The following PSTPIP2 variants were observed in gnomAD, a reference collection of about 807,000 sequenced individuals.
PSTPIP2 encodes proline-serine-threonine phosphatase-interacting protein 2.
PSTPIP2 carries 33 observed loss-of-function variants against 63.3 expected under a neutral mutation model. The ratio of observed to expected loss-of-function variants is 0.52; its 90% CI spans 0.40 to 0.70. The LOEUF (loss-of-function observed/expected upper bound fraction) is 0.70. PSTPIP2 is among the 30% of genes least tolerant of loss of function. The pLI is 0.00. For synonymous variants in PSTPIP2, 125 were observed against 132.7 expected, an observed-to-expected ratio of 0.94 and a Z score of 0.40; for missense variants, 312 against 400.7, an observed-to-expected ratio of 0.78 and a Z score of 1.89.
At chr18:46,015,784 T>C in intron 4 of PSTPIP2, 119 bp downstream of exon 4, 1 of 1,103,694 alleles carries the variant, frequency 9.1e-7, no homozygotes, top group Non-Finnish European at 1.3e-6. Flanking sequence ...CCTTAGGAGT[T>C]GCTCTAATTT....
rs73953951 is a variant in PSTPIP2 at position 45,993,623 on chromosome 18, T to C, written c.723A>G (p.Gln241=). The change falls in exon 10 of 15, where the codon CAA becomes CAG. Residue 241 remains glutamine (Q), a synonymous_variant. Coordinates refer to ENST00000409746, the MANE Select transcript of PSTPIP2 (RefSeq NM_024430.4). The part of the protein sequence containing the change: ...LWLHVNQLSQ[Q]CVTSDEMYEQ... Reference sequence around the variant, plus strand: ...GACTTACTTCATCACTGGTGACACATTGTTGTGACAGCTGATTCACATGTA... The same window carrying C: ...GACTTACTTCATCACTGGTGACACACTGTTGTGACAGCTGATTCACATGTA... 17,660 of 1,613,904 alleles carry C rather than the reference T, an allele frequency of 0.011. 1,431 individuals are homozygous for C. In the African/African-American group the frequency reaches 0.19, roughly 17 times the overall value.
intron 1 of PSTPIP2, among the ~76,000 whole-genome samples, chr18:46,053,873 A>C (rs2144124576): frequency 6.6e-6 from 1 of 152,360 alleles, no homozygotes; most frequent in Middle Eastern, 3.4e-3. Context: ...TGAAAAGGCT[A>C]CACACTGTAT....
intron 1 of PSTPIP2, among the ~76,000 whole-genome samples, chr18:46,065,846 C>G (rs1909171222): frequency 6.6e-6 from 1 of 152,004 alleles, no homozygotes; most frequent in Non-Finnish European, 1.5e-5. Context: ...AAGTGATCCA[C>G]CCGCCTTGGC....
chr18:46,041,405 C>T (rs1253551454), intron 1 of PSTPIP2, among the ~76,000 whole-genome samples: 2 of 152,062 alleles, frequency 1.3e-5, no homozygotes, highest in African/African-American at 2.4e-5. Context: ...TGCCACCATA[C>T]CCAGCTATTT....
chr18:46,018,894 A>G (rs889145714), intron 3 of PSTPIP2, among the ~76,000 whole-genome samples: 1 of 152,132 alleles, frequency 6.6e-6, no homozygotes, highest in Admixed American at 6.5e-5. Flanking sequence ...TTAAACCAGC[A>G]TTTTAAGTGT....
chr18:46,034,948 T>C (rs1907912547), intron 2 of PSTPIP2, among the ~76,000 whole-genome samples: 1 of 152,166 alleles, frequency 6.6e-6, no homozygotes, highest in Non-Finnish European at 1.5e-5. Flanking sequence ...ATTAACCCTA[T>C]TTTTATAGTT....
chr18:46,025,398 C>T (rs1907540989), intron 2 of PSTPIP2, among the ~76,000 whole-genome samples: 1 of 152,200 alleles, frequency 6.6e-6, no homozygotes, highest in Non-Finnish European at 1.5e-5. Flanking sequence ...TTCCCACTCT[C>T]TTCCAGCTCC....
rs1485368264 is a variant in PSTPIP2 at position 46,011,277 on chromosome 18, A to G, written c.258T>C (p.Asn86=). ...CAAGCTGAATGTGACATTGTGCCACATTGTCTACTTCTGCAAAAAAGAATT... is the reference window on the plus strand; with the variant it reads ...CAAGCTGAATGTGACATTGTGCCACGTTGTCTACTTCTGCAAAAAAGAATT... ...ALEVFKQQVD[N]VAQCHIQLAQ... is the part of the protein sequence containing the mutation. The change falls in exon 5 of 15, where the codon AAT becomes AAC. Residue 86 remains asparagine, a synonymous_variant. Coordinates refer to ENST00000409746, the MANE Select transcript of PSTPIP2 (RefSeq NM_024430.4). 1.2e-6 allele frequency: 2 copies of G among 1,613,306 alleles called. No homozygotes were observed. Among genetic ancestry groups the G allele is most frequent in the African/African-American group, 1.3e-5 (1 of 74,890 alleles).
chr18:46,030,609 C>T (rs1907756437), intron 2 of PSTPIP2, among the ~76,000 whole-genome samples: 1 of 152,172 alleles, frequency 6.6e-6, no homozygotes, highest in Admixed American at 6.5e-5. Context: ...AATAATTGTC[C>T]TCTTACCACA....
chr18:46,032,546 G>C (rs1907820915), intron 2 of PSTPIP2, among the ~76,000 whole-genome samples: 1 of 152,000 alleles, frequency 6.6e-6, no homozygotes, highest in African/African-American at 2.4e-5. Context: ...CTGAGGTCAA[G>C]AGTTCGAGAC....
chr18:46,039,841 G>A, intron 2 of PSTPIP2, 106 bp downstream of exon 2: 2 of 914,386 alleles, frequency 2.2e-6, no homozygotes, highest in Admixed American at 3.6e-5. Context: ...AGCAGAGAGA[G>A]GGTCTTCAGA....
In PSTPIP2 at chr18:46,029,475, G is replaced by C. The variant is rs112548210; in HGVS notation, c.135-4789C>G. The C allele has an allele frequency of 5.1e-3, 5,585 of 1,102,824 alleles. 197 individuals are homozygous for C. In the Admixed American group the frequency reaches 0.061, roughly 12 times the overall value. 68.3% of individuals were successfully genotyped at this position (1,102,824 alleles called of 1,614,324 possible). A position where few individuals can be genotyped will look rare whatever the true frequency, so the allele number is the denominator to read the frequency against. On this transcript the variant is annotated intron_variant, in intron 2 of 14. Transcript: ENST00000409746. ...TGCCTTAACAGATTTGTTGATTAAGGCAGTTTATATGGATTAAGCATTGCC... is the reference window on the plus strand; with the variant it reads ...TGCCTTAACAGATTTGTTGATTAAGCCAGTTTATATGGATTAAGCATTGCC...
chr18:46,054,548 C>A (rs1331877245), intron 1 of PSTPIP2, among the ~76,000 whole-genome samples: 1 of 152,012 alleles, frequency 6.6e-6, no homozygotes, highest in Non-Finnish European at 1.5e-5. Context: ...AACAAATATA[C>A]CACATTAATG....
intron 10 of PSTPIP2, among the ~76,000 whole-genome samples, chr18:45,992,888 A>C (rs916758840): frequency 1.3e-5 from 2 of 151,812 alleles, no homozygotes; most frequent in Non-Finnish European, 2.9e-5. Context: ...ACGTCTGGCT[A>C]ATTTTTTTTG....
At chr18:45,991,816 T>C in intron 12 of PSTPIP2, 86 bp downstream of exon 12, 2 of 1,318,700 alleles carry the variant, frequency 1.5e-6, no homozygotes, top group Admixed American at 2.1e-5. Flanking sequence ...GTAGATATGT[T>C]CCAATTCTAA....
At chr18:46,054,159 T>C (rs929152267) in intron 1 of PSTPIP2, among the ~76,000 whole-genome samples, 2 of 152,212 alleles carry the variant, frequency 1.3e-5, no homozygotes, top group Admixed American at 1.3e-4. Flanking sequence ...GTAAAAATAC[T>C]TGTACAGAGG....
rs1214966455 is a variant in PSTPIP2, at chr18:46,010,558, A to G, written c.354+623T>C. Among the ~76,000 whole-genome samples the G allele has an allele frequency of 2.0e-5, 3 of 152,290 alleles. No individual in the cohort carries two copies. In the South Asian group the frequency reaches 6.2e-4, roughly 32 times the overall value. On this transcript the variant is annotated intron_variant, in intron 5 of 14. Transcript: ENST00000409746. ...TTGTGGCTGGTCTAGTCTAACTAACACTTTGATATAAACCTGGACTTCTTT... is the reference window on the plus strand; with the variant it reads ...TTGTGGCTGGTCTAGTCTAACTAACGCTTTGATATAAACCTGGACTTCTTT...
intron 1 of PSTPIP2, among the ~76,000 whole-genome samples, chr18:46,069,621 C>T (rs1568236297): frequency 2.0e-5 from 3 of 152,178 alleles, no homozygotes; most frequent in Non-Finnish European, 2.9e-5. Flanking sequence ...GCAGATTCAT[C>T]GAAGATTTCT....
chr18:46,065,392 A>G (rs1231339742), intron 1 of PSTPIP2, among the ~76,000 whole-genome samples: 1 of 151,870 alleles, frequency 6.6e-6, no homozygotes, highest in East Asian at 2.0e-4. Flanking sequence ...CCTGGGTTCA[A>G]ACGATTCTCC....
Sources: gnomAD v4.1 joint callset for allele counts (sites outside exome capture counted in the v4.1 genomes callset) on GRCh38, gnomAD v4.1.1 for gene constraint, MANE v1.5 for transcripts, NCBI Gene and HGNC (gene_info 2026-07-23, HGNC 2026-07-21) for gene names.